The following P3H2 variants were observed in gnomAD, a reference collection of about 807,000 sequenced individuals.
P3H2 encodes the protein prolyl 3-hydroxylase 2.
In P3H2, 80 loss-of-function variants were observed where a neutral mutation model predicts 87.0. That is an observed-to-expected ratio of 0.92 (90% CI 0.77 to 1.11). The LOEUF (loss-of-function observed/expected upper bound fraction) is 1.11, where lower values mean the gene tolerates loss of function less well. Among genes scored for constraint, P3H2 ranks in the 50% least tolerant of loss-of-function variants. P3H2 has a pLI of 0.00. For synonymous variants in P3H2, 367 were observed against 359.3 expected (o/e 1.02, Z -0.24); for missense variants, 1,001 against 923.9 (o/e 1.08, Z -1.08).
intron 1 of P3H2, among the ~76,000 whole-genome samples, chr3:190,046,343 A>T (rs977555871): frequency 6.6e-6 from 1 of 152,184 alleles, no homozygotes; most frequent in African/African-American, 2.4e-5. Context: ...CCAAACACCA[A>T]AGGGGTAAGA....
intron 1 of P3H2, among the ~76,000 whole-genome samples, chr3:190,108,365 C>G (rs1290491042): frequency 6.6e-6 from 1 of 152,104 alleles, no homozygotes; most frequent in Admixed American, 6.5e-5. Flanking sequence ...GTAACACATT[C>G]CACTCCCCTC....
intron 1 of P3H2, among the ~76,000 whole-genome samples, chr3:190,109,931 C>T (rs1056044173): frequency 2.0e-5 from 3 of 150,844 alleles, no homozygotes; most frequent in African/African-American, 7.3e-5. Flanking sequence ...TCACTGCAGC[C>T]TCTCCCTCCC....
chr3:189,995,206 C>G lies in P3H2; in HGVS notation c.633+84G>C, dbSNP rs1025996278. 53 of 1,267,248 alleles carry G rather than the reference C, an allele frequency of 4.2e-5. 1 individual carries two copies. The highest frequency in any genetic ancestry group is 5.7e-5 in the Non-Finnish European group (50 of 874,236). The allele number at this position is 1,267,248 out of a possible 1,614,324, so 78.5% of individuals were successfully genotyped here. Reference sequence around the variant, plus strand: ...TTGAGAATAAACTTTATGAGATATTCATTCATAGAAATTTGCTGTGACTCA... The same window carrying G: ...TTGAGAATAAACTTTATGAGATATTGATTCATAGAAATTTGCTGTGACTCA... On this transcript the variant is annotated intron_variant, in intron 2 of 14. Transcript: ENST00000319332.
chr3:189,958,135 C>T, intron 14 of P3H2, 131 bp from the exon 15 acceptor site: 2 of 725,354 alleles, frequency 2.8e-6, no homozygotes, highest in Non-Finnish European at 5.0e-6. Flanking sequence ...GCATTGAACA[C>T]CTCCTCTTCA....
At chr3:189,962,772 T>A (rs982177609) in intron 14 of P3H2, among the ~76,000 whole-genome samples, 3 of 152,172 alleles carry the variant, frequency 2.0e-5, no homozygotes, top group Non-Finnish European at 4.4e-5. Context: ...GGGAAACACT[T>A]TGTAAGTTAG....
intron 1 of P3H2, among the ~76,000 whole-genome samples, chr3:190,012,986 A>G (rs538189400): frequency 6.6e-6 from 1 of 152,042 alleles, no homozygotes; most frequent in Non-Finnish European, 1.5e-5. Context: ...CCAGTGACTA[A>G]CTCTTCTTGG....
chr3:189,977,036 C>T (rs755498973), intron 8 of P3H2, among the ~76,000 whole-genome samples: 6 of 152,140 alleles, frequency 3.9e-5, no homozygotes, highest in Non-Finnish European at 8.8e-5. Context: ...TAATATGCAG[C>T]AGTTTTTAGC....
intron 1 of P3H2, among the ~76,000 whole-genome samples, chr3:190,013,668 C>T (rs910333455): frequency 6.6e-6 from 1 of 152,178 alleles, no homozygotes; most frequent in Non-Finnish European, 1.5e-5. Flanking sequence ...GGACTTTTAA[C>T]ATCCTTTAGG....
intron 1 of P3H2, among the ~76,000 whole-genome samples, chr3:190,119,154 G>C (rs142207546): frequency 0.035 from 1,593 of 45,838 alleles, 49 homozygotes; most frequent in African/African-American, 0.097. Flanking sequence ...GGGGAGGGGA[G>C]GGGAGGGGAG....
chr3:190,026,245 A>G (rs888510769), intron 1 of P3H2, among the ~76,000 whole-genome samples: 1 of 152,082 alleles, frequency 6.6e-6, no homozygotes, highest in Non-Finnish European at 1.5e-5. Context: ...TTCTTATAGT[A>G]TTGTTGTGTC....
At chr3:190,033,524 CTT>C (rs977741669) in intron 1 of P3H2, among the ~76,000 whole-genome samples, 55 of 152,116 alleles carry the variant, frequency 3.6e-4, no homozygotes, top group African/African-American at 1.3e-3. Flanking sequence ...AAAAAGAAAA[CTT>C]ATGATTTTTT....
At chr3:190,121,320 G>A (rs1031696481), upstream of P3H2, among the ~76,000 whole-genome samples, 1 of 149,520 alleles carries the variant, frequency 6.7e-6, no homozygotes, top group South Asian at 2.1e-4. Flanking sequence ...TTCTGCACGT[G>A]TATCCCGGAA....
intron 8 of P3H2, among the ~76,000 whole-genome samples, chr3:189,980,243 C>T (rs1456125848): frequency 6.6e-6 from 1 of 152,118 alleles, no homozygotes; most frequent in Admixed American, 6.5e-5. Context: ...CACATGCCTC[C>T]CTGACATCCC....
chr3:190,119,642 A>T (rs1443150369), intron 1 of P3H2, among the ~76,000 whole-genome samples: 1 of 152,226 alleles, frequency 6.6e-6, no homozygotes. Flanking sequence ...CTTAGGGTGG[A>T]TACTTTGACT....
chr3:189,990,166 G>A (rs1723834863), intron 3 of P3H2, among the ~76,000 whole-genome samples: 2 of 152,110 alleles, frequency 1.3e-5, no homozygotes, highest in Non-Finnish European at 2.9e-5. Flanking sequence ...GCATTTTCTG[G>A]TGTGGGGGAA....
chr3:190,049,929 A>T (rs1033507173), intron 1 of P3H2, among the ~76,000 whole-genome samples: 3 of 152,208 alleles, frequency 2.0e-5, no homozygotes, highest in African/African-American at 7.2e-5. Flanking sequence ...TTATTGTGGA[A>T]CTTTCAGAGT....
At chr3:190,113,682 C>T (rs1257077001) in intron 1 of P3H2, among the ~76,000 whole-genome samples, 3 of 152,166 alleles carry the variant, frequency 2.0e-5, no homozygotes, top group Non-Finnish European at 2.9e-5. Flanking sequence ...ACAGCTACCC[C>T]TTTGGAGTTT....
In P3H2 at chr3:189,997,222, A is replaced by G. The variant is rs747406227; in HGVS notation, c.481-1780T>C. Among the ~76,000 whole-genome samples the G allele has an allele frequency of 3.9e-5, 6 of 152,088 alleles. 1 individual carries two copies. Among genetic ancestry groups the G allele is most frequent in the Non-Finnish European group, 4.4e-5 (3 of 68,004 alleles). On this transcript the variant is annotated intron_variant, in intron 1 of 14. Transcript: ENST00000319332. ...TTTTTAGTAGAGATGGGGTTTCACC[A>G]TGTTGGCCAGGATGGTCTCGATCTC...
chr3:189,974,487 C>T, intron 9 of P3H2, 71 bp downstream of exon 9: 2 of 1,599,646 alleles, frequency 1.3e-6, no homozygotes, highest in East Asian at 2.2e-5. Flanking sequence ...CCAGATGAGA[C>T]CAGGACCAAA....
Sources: allele counts gnomAD v4.1 joint callset (sites outside exome capture counted in the v4.1 genomes callset), GRCh38; gene constraint gnomAD v4.1.1; transcripts MANE v1.5; gene names NCBI Gene and HGNC (gene_info 2026-07-23, HGNC 2026-07-21).